Variants in C19orf44 observed in about 807,000 individuals in gnomAD.
C19orf44 encodes the protein uncharacterized protein C19orf44.
In C19orf44, 43 loss-of-function variants were observed where a neutral mutation model predicts 50.7. That is an observed-to-expected ratio of 0.85 (90% confidence interval 0.66 to 1.09). The LOEUF (loss-of-function observed/expected upper bound fraction) is 1.09, where lower values mean the gene tolerates loss of function less well. Among genes scored for constraint, C19orf44 ranks in the 50% least tolerant of loss-of-function variants. C19orf44 has a pLI of 0.00. For synonymous variants in C19orf44, 298 were observed against 334.7 expected (o/e 0.89, Z 1.20); for missense variants, 722 against 836.2 (o/e 0.86, Z 1.68).
intron 1 of C19orf44, among the ~76,000 whole-genome samples, chr19:16,498,863 G>A (rs1222060334): frequency 6.6e-6 from 1 of 151,308 alleles, no homozygotes; most frequent in Non-Finnish European, 1.5e-5. Context: ...GTAGAGACGG[G>A]GTTTCACTGT....
chr19:16,514,440 G>GGC, intron 6 of C19orf44, 57 bp from the exon 7 acceptor site: 1 of 1,499,894 alleles, frequency 6.7e-7, no homozygotes, highest in Non-Finnish European at 9.0e-7. Context: ...GTGGGGGGGG[G>GGC]GCTGCAGAAT....
rs764386921 is a variant in C19orf44, at chr19:16,520,793, C to T, written c.*740C>T. 7.5e-6 allele frequency: 12 copies of T among 1,591,078 alleles called. No individual in the cohort carries two copies. Among genetic ancestry groups the T allele is most frequent in the South Asian group, 1.1e-5 (1 of 90,716 alleles). On this transcript the variant is annotated 3_prime_UTR_variant, in exon 9 of 9. Transcript: ENST00000221671. This position sits in a 1 kb window ranked among gnomAD's most constrained non-coding sequence, Gnocchi z 4.0. Reference sequence around the variant, plus strand: ...ACCCATCACAAGCTGTGGACCCTGGCCCCCCGGCCACTGCAGACATCTGCG... The same window carrying T: ...ACCCATCACAAGCTGTGGACCCTGGTCCCCCGGCCACTGCAGACATCTGCG...
chr19:16,507,682 G>T (rs1298391333), intron 4 of C19orf44, among the ~76,000 whole-genome samples: 1 of 151,542 alleles, frequency 6.6e-6, no homozygotes, highest in Non-Finnish European at 1.5e-5. Flanking sequence ...AGTAGAGACG[G>T]GGTTTCACCA....
At chr19:16,502,413 T>C (rs1475382362) in intron 2 of C19orf44, among the ~76,000 whole-genome samples, 4 of 151,510 alleles carry the variant, frequency 2.6e-5, no homozygotes, top group Non-Finnish European at 5.9e-5. Context: ...AATTTTTGTA[T>C]TTTTAGTAGA....
intron 1 of C19orf44, among the ~76,000 whole-genome samples, chr19:16,498,261 C>T (rs2093415494): frequency 6.6e-6 from 1 of 152,094 alleles, no homozygotes; most frequent in African/African-American, 2.4e-5. Flanking sequence ...TTACAATTCC[C>T]CCAACAACAT....
rs1042666315 is a variant in C19orf44 at position 16,520,672 on chromosome 19, T to C, written c.*619T>C. The stretch of plus-strand genomic sequence containing the variant: ...AGTTCCTAAATAGTGTGGCCGAGCC[T>C]GCTGCTGTGTGAATTCAGGCCTTGT... On this transcript the variant is annotated 3_prime_UTR_variant, in exon 9 of 9. Coordinates refer to ENST00000221671, the MANE Select transcript of C19orf44 (RefSeq NM_032207.4). The surrounding 1 kb of genome is among the most constrained non-coding windows in gnomAD (Gnocchi z 4.0). 8.9e-7 allele frequency: 1 copy of C among 1,121,142 alleles called. No homozygotes were observed. Among genetic ancestry groups the C allele is most frequent in the Non-Finnish European group, 1.3e-6 (1 of 761,632 alleles). 69.4% of individuals were successfully genotyped at this position (1,121,142 alleles called of 1,614,324 possible).
At chr19:16,511,022 C>T (rs1156292937) in intron 5 of C19orf44, among the ~76,000 whole-genome samples, 2 of 151,894 alleles carry the variant, frequency 1.3e-5, no homozygotes, top group African/African-American at 2.4e-5. Flanking sequence ...AGGCGTGAGC[C>T]ACTGCACCCG....
Position 16,519,784 on chromosome 19 carries a change from A to T in C19orf44, c.*41-310A>T. ...ATTTATTGGAATGACAGTGATGAGG[A>T]CCTCACAGCCGCAGCTTGCGTGCAT... On this transcript the variant is annotated intron_variant, in intron 8 of 8. Transcript: ENST00000221671. The surrounding 1 kb of genome is among the most constrained non-coding windows in gnomAD (Gnocchi z 6.0). 1 of 1,336,992 alleles carries T rather than the reference A, an allele frequency of 7.5e-7. No individual in the cohort carries two copies. The allele number at this position is 1,336,992 out of a possible 1,614,324, so 82.8% of individuals were successfully genotyped here. A position where few individuals can be genotyped will look rare whatever the true frequency, so the allele number is the denominator to read the frequency against.
intron 4 of C19orf44, among the ~76,000 whole-genome samples, chr19:16,508,854 C>G (rs1436394854): frequency 6.6e-6 from 1 of 151,134 alleles, no homozygotes; most frequent in Non-Finnish European, 1.5e-5. Context: ...GAGTTTTGCT[C>G]TTGTTGCCCA....
In C19orf44 at chr19:16,520,606, C is replaced by T; in HGVS notation, c.*553C>T. On this transcript the variant is annotated 3_prime_UTR_variant, in exon 9 of 9. Coordinates refer to ENST00000221671, the MANE Select transcript of C19orf44 (RefSeq NM_032207.4). The surrounding 1 kb of genome is among the most constrained non-coding windows in gnomAD (Gnocchi z 4.0). The stretch of plus-strand genomic sequence containing the variant: ...CTAGACCACCCCAGATGCAGGGGCT[C>T]TGGCTGTGGATGTGGCGCCATAGCC... The T allele has an allele frequency of 7.1e-7, 1 of 1,403,880 alleles. No individual in the cohort carries two copies. Among genetic ancestry groups the T allele is most frequent in the South Asian group, 1.3e-5 (1 of 76,638 alleles). 87.0% of individuals were successfully genotyped at this position (1,403,880 alleles called of 1,614,324 possible).
At position 16,519,535 on chromosome 19, in the gene C19orf44, G is replaced by A; in HGVS notation, c.*41-559G>A. 7.5e-7 allele frequency: 1 copy of A among 1,329,032 alleles called. No homozygotes were observed. The highest frequency in any genetic ancestry group is 1.2e-5 in the South Asian group (1 of 84,268). 82.3% of individuals were successfully genotyped at this position (1,329,032 alleles called of 1,614,324 possible). A position where few individuals can be genotyped will look rare whatever the true frequency, so the allele number is the denominator to read the frequency against. ...GGCCTGACTCCATCCATCCCCACATGCACTGAGGAAGAGAAAGCGCTGGTG... is the reference window on the plus strand; with the variant it reads ...GGCCTGACTCCATCCATCCCCACATACACTGAGGAAGAGAAAGCGCTGGTG... On this transcript the variant is annotated intron_variant, in intron 8 of 8. Coordinates refer to ENST00000221671, the MANE Select transcript of C19orf44 (RefSeq NM_032207.4). The surrounding 1 kb of genome is among the most constrained non-coding windows in gnomAD (Gnocchi z 6.0).
intron 3 of C19orf44, among the ~76,000 whole-genome samples, chr19:16,504,160 C>T (rs1599730886): frequency 6.6e-6 from 1 of 152,064 alleles, no homozygotes; most frequent in Non-Finnish European, 1.5e-5. Context: ...CACACCACTG[C>T]ACTCCAGCCT....
At chr19:16,498,346 C>A (rs574472967) in intron 1 of C19orf44, among the ~76,000 whole-genome samples, 1 of 152,212 alleles carries the variant, frequency 6.6e-6, no homozygotes, top group South Asian at 2.1e-4. Context: ...TCCAGTGGCA[C>A]GATCATAGCT....
Position 16,519,366 on chromosome 19 carries a change from C to T in C19orf44, c.*41-728C>T, listed in dbSNP as rs372810351. ...AGCCGCTCCAGCCTGGAAACAGAGA[C>T]GCAGTCACAACCACAACAAGGCGGA... On this transcript the variant is annotated intron_variant, in intron 8 of 8. Coordinates refer to ENST00000221671, the MANE Select transcript of C19orf44 (RefSeq NM_032207.4). The surrounding 1 kb of genome is among the most constrained non-coding windows in gnomAD (Gnocchi z 6.0). 4.7e-5 allele frequency: 75 copies of T among 1,607,502 alleles called. No homozygotes were observed. In the Middle Eastern group the frequency reaches 5.0e-4, roughly 11 times the overall value.
chr19:16,499,320 T>C (rs2093418403), intron 1 of C19orf44, among the ~76,000 whole-genome samples: 1 of 152,012 alleles, frequency 6.6e-6, no homozygotes, highest in Admixed American at 6.6e-5. Flanking sequence ...GGAGTTTTAC[T>C]CTGTCACCCA....
In C19orf44 at chr19:16,519,199, G is replaced by A. The variant is rs2085582243; in HGVS notation, c.*41-895G>A. The stretch of plus-strand genomic sequence containing the variant: ...CCTGGCCTTCATGCGGGCGATGAAG[G>A]AGTAGCTCTTGTTCCTGCGGTAGTT... On this transcript the variant is annotated intron_variant, in intron 8 of 8. Coordinates refer to ENST00000221671, the MANE Select transcript of C19orf44 (RefSeq NM_032207.4). This position sits in a 1 kb window ranked among gnomAD's most constrained non-coding sequence, Gnocchi z 6.0. 6.2e-7 allele frequency: 1 copy of A among 1,613,878 alleles called. No individual in the cohort carries two copies. Among genetic ancestry groups the A allele is most frequent in the Non-Finnish European group, 8.5e-7 (1 of 1,180,028 alleles).
chr19:16,514,678 C>T lies in C19orf44; in HGVS notation c.1902+15C>T, dbSNP rs773769073. On this transcript the variant is annotated intron_variant, in intron 7 of 8. Coordinates refer to ENST00000221671, the MANE Select transcript of C19orf44 (RefSeq NM_032207.4). ...AAGCCAAAGAGGTGAGCGCAGCTCCCCATGGGCAGGGGCAGGGCAGTAGGG... is the reference window on the plus strand; with the variant it reads ...AAGCCAAAGAGGTGAGCGCAGCTCCTCATGGGCAGGGGCAGGGCAGTAGGG... The T allele has an allele frequency of 9.6e-5, 149 of 1,551,514 alleles. No homozygotes were observed. Among genetic ancestry groups the T allele is most frequent in the South Asian group, 3.9e-4 (33 of 84,070 alleles).
At chr19:16,514,806 C>T in intron 7 of C19orf44, 143 bp downstream of exon 7, 1 of 910,828 alleles carries the variant, frequency 1.1e-6, no homozygotes, top group South Asian at 2.5e-5. Flanking sequence ...ATCACCTGTC[C>T]CTGTGGAGGG....
Position 16,509,624 on chromosome 19 carries a change from A to T in C19orf44, c.1275A>T (p.Ala425=), listed in dbSNP as rs1568496584. The T allele has an allele frequency of 1.2e-6, 2 of 1,614,222 alleles. No homozygotes were observed. Among genetic ancestry groups the T allele is most frequent in the East Asian group, 4.5e-5 (2 of 44,884 alleles). Residue 425 remains alanine, a synonymous_variant, in exon 5 of 9, where the codon GCA becomes GCT. Coordinates refer to ENST00000221671, the MANE Select transcript of C19orf44 (RefSeq NM_032207.4). The part of the protein sequence containing the change: ...SWASQGKAAS[A]EGDESEVSEH... ...CATCACAGGGAAAGGCCGCCTCTGC[A>T]GAGGGGGATGAGAGCGAGGTCTCGG... is the stretch of plus-strand genomic sequence containing the variant.
Sources: allele counts gnomAD v4.1 joint callset (sites outside exome capture counted in the v4.1 genomes callset), GRCh38; gene constraint gnomAD v4.1.1; non-coding constraint Gnocchi (gnomAD v3.1); transcripts MANE v1.5; gene names NCBI Gene and HGNC (gene_info 2026-07-23, HGNC 2026-07-21).